Variants in SFI1 observed in about 807,000 individuals in gnomAD.
SFI1 encodes SFI1 centrin binding protein.
Under a neutral mutation model 207.5 loss-of-function variants are expected in SFI1, and 195 were observed. The observed-to-expected ratio is 0.94, with a 90% CI of 0.84 to 1.06. SFI1 has a LOEUF of 1.06. Ranked by LOEUF, SFI1 falls within the 50% of genes least tolerant of loss-of-function variation. The pLI is 0.00. For synonymous variants in SFI1, 630 were observed against 598.9 expected, an observed-to-expected ratio of 1.05 and a Z score of -0.76; for missense variants, 1,634 against 1,588.0, an observed-to-expected ratio of 1.03 and a Z score of -0.49.
chr22:31,607,028 A>G (rs996754335), intron 21 of SFI1, among the ~76,000 whole-genome samples: 33 of 151,616 alleles, frequency 2.2e-4, no homozygotes, highest in Admixed American at 2.0e-3. Flanking sequence ...GCACCACTGC[A>G]CTCCAGCCTG....
At chr22:31,552,438 A>G (rs947270415) in intron 6 of SFI1, among the ~76,000 whole-genome samples, 1 of 152,016 alleles carries the variant, frequency 6.6e-6, no homozygotes, top group Non-Finnish European at 1.5e-5. Context: ...TTTTTAGTAG[A>G]GACAAGGTTT....
At chr22:31,502,155 A>G (rs954449493) in intron 1 of SFI1, among the ~76,000 whole-genome samples, 1 of 152,156 alleles carries the variant, frequency 6.6e-6, no homozygotes, top group Non-Finnish European at 1.5e-5. Flanking sequence ...GTTTAATATT[A>G]AAAGGGTTTG....
chr22:31,545,800 C>T (rs1391987797), intron 4 of SFI1, among the ~76,000 whole-genome samples: 1 of 146,794 alleles, frequency 6.8e-6, no homozygotes, highest in Non-Finnish European at 1.5e-5. Context: ...AGGCTGGTCT[C>T]GAACTCCTGA....
intron 2 of SFI1, among the ~76,000 whole-genome samples, chr22:31,516,647 C>T (rs1037563654): frequency 1.4e-4 from 21 of 151,994 alleles, no homozygotes; most frequent in Non-Finnish European, 7.4e-5. Context: ...GGCGAAACCC[C>T]ATCTCTACTA....
chr22:31,617,073 C>A lies in SFI1; in HGVS notation c.3507C>A (p.Asn1169Lys), dbSNP rs751726542. The A allele has an allele frequency of 1.8e-5, 29 of 1,613,980 alleles. No homozygotes were observed. Among genetic ancestry groups the A allele is most frequent in the Non-Finnish European group, 2.4e-5 (28 of 1,180,008 alleles). The change falls in exon 31 of 33, where the codon AAC becomes AAA. Residue 1169 changes from asparagine (N) to lysine (K), a missense_variant. Physicochemically the swap from Asn to Lys is moderately conservative, Grantham distance 94 (BLOSUM62 0). Transcript: ENST00000400288. Reference protein sequence around the residue: ...QLLHYQTTKQNLWSCRRQASS... With the variant: ...QLLHYQTTKQKLWSCRRQASS... ...TGCACTACCAGACCACCAAGCAGAA[C>A]CTCTGGTGAGCCCTGCGAAACGCCC...
chr22:31,553,551 T>TTTC (rs1314666807), intron 6 of SFI1, among the ~76,000 whole-genome samples: 212 of 139,210 alleles, frequency 1.5e-3, no homozygotes, highest in African/African-American at 5.4e-3. Flanking sequence ...TTTTTTTTTT[T>TTTC]CAGTAGAGAC....
chr22:31,601,052 A>G (rs1294345759), intron 15 of SFI1, among the ~76,000 whole-genome samples: 1 of 150,496 alleles, frequency 6.6e-6, no homozygotes, highest in Non-Finnish European at 1.5e-5. Context: ...GCAGGATTTG[A>G]TGTTGTTAAT....
chr22:31,572,524 A>G (rs1396979526), intron 8 of SFI1, among the ~76,000 whole-genome samples: 1 of 151,340 alleles, frequency 6.6e-6, no homozygotes, highest in African/African-American at 2.4e-5. Context: ...TTTTGTTTTG[A>G]GTTGGTCGCT....
intron 14 of SFI1, among the ~76,000 whole-genome samples, chr22:31,586,442 T>C (rs906176113): frequency 6.6e-6 from 1 of 152,252 alleles, no homozygotes; most frequent in African/African-American, 2.4e-5. Flanking sequence ...GACCAACAAA[T>C]GAACTGCTGT....
intron 1 of SFI1, among the ~76,000 whole-genome samples, chr22:31,500,001 A>AAAC (rs1555924020): frequency 6.8e-6 from 1 of 148,090 alleles, no homozygotes; most frequent in Non-Finnish European, 1.5e-5. Context: ...AAAAAAAAAA[A>AAAC]AACATTGAAA....
intron 4 of SFI1, among the ~76,000 whole-genome samples, chr22:31,545,416 C>T (rs1236553900): frequency 6.6e-6 from 1 of 150,714 alleles, no homozygotes; most frequent in Non-Finnish European, 1.5e-5. Context: ...TGGCTCATGT[C>T]TGTAATCCCA....
At chr22:31,590,280 A>G (rs2065672248) in intron 15 of SFI1, among the ~76,000 whole-genome samples, 1 of 152,116 alleles carries the variant, frequency 6.6e-6, no homozygotes, top group African/African-American at 2.4e-5. Flanking sequence ...AAGTTGACAC[A>G]TAGAATCCAC....
chr22:31,605,336 A>G (rs758910089), intron 20 of SFI1: 27 of 162,566 alleles, frequency 1.7e-4, no homozygotes, highest in Admixed American at 2.6e-4. Flanking sequence ...CTTGCTCTGC[A>G]GGCCTGTCAC....
At chr22:31,578,584 C>A in intron 11 of SFI1, 132 bp downstream of exon 11, 1 of 683,778 alleles carries the variant, frequency 1.5e-6, no homozygotes, top group Non-Finnish European at 2.4e-6. Flanking sequence ...TGAAGCCCTC[C>A]TTTCATTGTG....
intron 22 of SFI1, among the ~76,000 whole-genome samples, chr22:31,610,561 A>G (rs928409379): frequency 2.0e-5 from 3 of 152,246 alleles, no homozygotes; most frequent in African/African-American, 7.2e-5. Flanking sequence ...GGGCCTAAGA[A>G]GGATTCACCA....
intron 19 of SFI1, 21 bp downstream of exon 19, chr22:31,604,425 C>T: frequency 6.7e-7 from 1 of 1,488,240 alleles, no homozygotes; most frequent in Non-Finnish European, 8.9e-7. Context: ...CTGCTTCCCT[C>T]CTGATCTTGC....
At chr22:31,497,685 G>T (rs143489432) in intron 1 of SFI1, among the ~76,000 whole-genome samples, 1 of 81,460 alleles carries the variant, frequency 1.2e-5, no homozygotes, top group South Asian at 3.5e-4. Flanking sequence ...TAGAAATGAC[G>T]AAGCTAGAAA....
At chr22:31,609,806 C>T (rs757187498) in intron 22 of SFI1, among the ~76,000 whole-genome samples, 1 of 152,268 alleles carries the variant, frequency 6.6e-6, no homozygotes, top group Non-Finnish European at 1.5e-5. Flanking sequence ...AGACCTTGGG[C>T]TCTGGAGCTT....
Position 31,557,072 on chromosome 22 carries a change from A to C in SFI1, c.662+13A>C. ...GGATTATCTTACGGTGAGTCTGCTCAACTGCCCTACAAAGTACCAGCCATC... is the reference window on the plus strand; with the variant it reads ...GGATTATCTTACGGTGAGTCTGCTCCACTGCCCTACAAAGTACCAGCCATC... On this transcript the variant is annotated intron_variant, in intron 7 of 32. Transcript: ENST00000400288. The C allele has an allele frequency of 6.5e-7, 1 of 1,535,856 alleles. No homozygotes were observed. Among genetic ancestry groups the C allele is most frequent in the Non-Finnish European group, 8.9e-7 (1 of 1,119,804 alleles).
Sources: allele counts gnomAD v4.1 joint callset (sites outside exome capture counted in the v4.1 genomes callset), GRCh38; gene constraint gnomAD v4.1.1; transcripts MANE v1.5; gene names NCBI Gene and HGNC (gene_info 2026-07-23, HGNC 2026-07-21).